RPUSD3: variants seen among roughly 807,000 people sequenced by gnomAD.
RPUSD3 encodes mitochondrial mRNA pseudouridine synthase RPUSD3.
RPUSD3 carries 36 observed loss-of-function variants against 35.1 expected under a neutral mutation model. The observed-to-expected ratio is 1.02, with a 90% CI of 0.79 to 1.35. RPUSD3 has a LOEUF of 1.35. RPUSD3 is among the 40% of genes most tolerant of loss of function. The pLI is 0.00. For missense variants in RPUSD3, 486 were observed against 441.9 expected, an observed-to-expected ratio of 1.10 and a Z score of -0.89; for synonymous variants, 202 against 187.8, an observed-to-expected ratio of 1.08 and a Z score of -0.62.
intron 4 of RPUSD3, 31 bp downstream of exon 4, chr3:9,841,952 C>A: frequency 6.3e-7 from 1 of 1,579,546 alleles, no homozygotes; most frequent in Non-Finnish European, 8.7e-7. Context: ...GATGCCTGTA[C>A]TCCTAGCTTC....
At chr3:9,843,331 G>C in intron 2 of RPUSD3, 134 bp downstream of exon 2, 1 of 1,308,358 alleles carries the variant, frequency 7.6e-7, no homozygotes, top group Non-Finnish European at 1.1e-6. Flanking sequence ...GTGCAAATTA[G>C]GTGGCTTGTC....
At chr3:9,838,894 G>A (rs1009878980) in intron 8 of RPUSD3, 138 bp downstream of exon 8, 1 of 1,091,432 alleles carries the variant, frequency 9.2e-7, no homozygotes, top group African/African-American at 1.6e-5. Flanking sequence ...ACCAAGATGT[G>A]GGTACGGATA....
exon 2 of RPUSD3, chr3:9,843,563 C>A (rs750471161): frequency 1.4e-5 from 23 of 1,613,772 alleles, no homozygotes; most frequent in Non-Finnish European, 1.9e-5. Flanking sequence ...CCCGAGGGGC[C>A]CCGACCGTTG....
intron 8 of RPUSD3, among the ~76,000 whole-genome samples, chr3:9,838,482 G>A (rs1351168759): frequency 6.6e-6 from 1 of 152,206 alleles, no homozygotes; most frequent in East Asian, 1.9e-4. Context: ...ACGTGAGTGA[G>A]CTCTAGCTGA....
rs960762153 is a variant in RPUSD3, at chr3:9,842,538, C to T, written c.263-295G>A. The T allele has an allele frequency of 1.8e-5, 9 of 502,094 alleles. No homozygotes were observed. In the Admixed American group the frequency reaches 2.3e-4, roughly 13 times the overall value. 31.1% of individuals were successfully genotyped at this position (502,094 alleles called of 1,614,324 possible). A position where few individuals can be genotyped will look rare whatever the true frequency, so the allele number is the denominator to read the frequency against. ...CTCCAATCTAATGTCTGCCTTCCTC[C>T]TGCAGTTCCTCACCATCATAACACC... On this transcript the variant is annotated intron_variant, in intron 2 of 8. Coordinates refer to ENST00000383820, the Ensembl canonical transcript of RPUSD3.
At chr3:9,838,363 C>G (rs1347249693) in intron 8 of RPUSD3, among the ~76,000 whole-genome samples, 156 bp from the exon 9 acceptor site, 1 of 152,206 alleles carries the variant, frequency 6.6e-6, no homozygotes, top group Non-Finnish European at 1.5e-5. Context: ...TGTGCACATT[C>G]ACACAGGCAC....
intron 2 of RPUSD3, chr3:9,843,223 T>A: frequency 1.7e-6 from 1 of 576,834 alleles, no homozygotes; most frequent in Non-Finnish European, 3.1e-6. Flanking sequence ...CTCCCGTAAC[T>A]GAGCGCCGGC....
At position 9,840,756 on chromosome 3, in the gene RPUSD3, G is replaced by A. The variant is rs553263958; in HGVS notation, c.457C>T (p.Arg153Cys). 94 of 1,614,078 alleles carry A rather than the reference G, an allele frequency of 5.8e-5. 1 individual carries two copies. In the South Asian group the frequency reaches 8.0e-4, roughly 14 times the overall value. The change falls in exon 5 of 9, where the codon CGC becomes TGC. Residue 153 changes from arginine (R) to cysteine (C), a missense_variant. Transcript: ENST00000383820. Reference sequence around the variant, plus strand: ...GCATGGGTGAAGTACTTCTGGAGGCGACTAGCTGTCTGGGGACAGCTGGAG... The same window carrying A: ...GCATGGGTGAAGTACTTCTGGAGGCAACTAGCTGTCTGGGGACAGCTGGAG...
exon 5 of RPUSD3, chr3:9,840,714 G>A (rs1168659068): frequency 1.2e-6 from 2 of 1,614,172 alleles, no homozygotes; most frequent in Non-Finnish European, 8.5e-7. Flanking sequence ...GTGGCTGTGG[G>A]CCTTTGGGCT....
At chr3:9,842,205 C>A (rs1445609656) in exon 3 of RPUSD3, 11 of 1,614,100 alleles carry the variant, frequency 6.8e-6, no homozygotes, top group Non-Finnish European at 9.3e-6. Flanking sequence ...ATACCTGTCA[C>A]TGGTAGACCC....
chr3:9,842,550 A>G (rs770296869), intron 2 of RPUSD3: 6 of 475,178 alleles, frequency 1.3e-5, no homozygotes, highest in Non-Finnish European at 2.3e-5. Context: ...GCAGTTCCTC[A>G]CCATCATAAC....
At position 9,839,598 on chromosome 3, in the gene RPUSD3, G is replaced by A. The variant is rs112773043; in HGVS notation, c.725-427C>T. ...CCAAGTGCAGTTTTTTTTTTTTTTA[G>A]CCAGCGTTTCACTCTGTCTCCCAGG... is the stretch of plus-strand genomic sequence containing the variant. On this transcript the variant is annotated intron_variant, in intron 7 of 8. Coordinates refer to ENST00000383820, the Ensembl canonical transcript of RPUSD3. The A allele has an allele frequency of 3.9e-3, 599 of 152,004 alleles. 8 individuals carry two copies. The highest frequency in any genetic ancestry group is 0.014 in the African/African-American group (577 of 40,498). The allele number at this position is 152,004 out of a possible 1,614,324, so 9.4% of individuals were successfully genotyped here.
At position 9,840,353 on chromosome 3, in the gene RPUSD3, G is replaced by A. The variant is rs760514637; in HGVS notation, c.601-46C>T. ...GAACAAGCCTTACACAGGTCTGGGA[G>A]CTATACCCAGACCCTCCCTGCTCCC... is the stretch of plus-strand genomic sequence containing the variant. On this transcript the variant is annotated intron_variant, in intron 6 of 8. Coordinates refer to ENST00000383820, the Ensembl canonical transcript of RPUSD3. 4 of 1,613,912 alleles carry A rather than the reference G, an allele frequency of 2.5e-6. No individual in the cohort carries two copies. In the East Asian group the frequency reaches 8.9e-5, roughly 36 times the overall value.
exon 8 of RPUSD3, chr3:9,839,055 C>T: frequency 1.9e-6 from 3 of 1,614,202 alleles, no homozygotes; most frequent in African/African-American, 1.3e-5. Context: ...TTGTTGTTCT[C>T]AGCTGGCAGC....
At chr3:9,842,293 T>C (rs879083152) in intron 2 of RPUSD3, 50 bp from the exon 3 acceptor site, 3 of 1,579,198 alleles carry the variant, frequency 1.9e-6, no homozygotes, top group East Asian at 2.2e-5. Flanking sequence ...TAACCCTTTA[T>C]GCAGCACTAA....
At chr3:9,840,771 G>T in exon 5 of RPUSD3, 1 of 1,614,092 alleles carries the variant, frequency 6.2e-7, no homozygotes, top group South Asian at 1.1e-5. Flanking sequence ...GCTGTCTGGG[G>T]ACAGCTGGAG....
At chr3:9,838,124 C>G (rs2082048344) in exon 9 of RPUSD3, 1 of 1,612,352 alleles carries the variant, frequency 6.2e-7, no homozygotes, top group African/African-American at 1.3e-5. Context: ...GGAGAAGGAG[C>G]CGATGTAGGT....
intron 8 of RPUSD3, 85 bp from the exon 9 acceptor site, chr3:9,838,292 G>A (rs1431605184): frequency 1.9e-5 from 26 of 1,375,142 alleles, no homozygotes; most frequent in Middle Eastern, 2.6e-4. Flanking sequence ...GGAGTAAGGC[G>A]GGCGCTTCCT....
At chr3:9,842,480 G>A (rs2125026368) in intron 2 of RPUSD3, 1 of 585,238 alleles carries the variant, frequency 1.7e-6, no homozygotes. Flanking sequence ...CTATCATCTT[G>A]GCTCAAATGT....
Sources: allele counts gnomAD v4.1 joint callset (sites outside exome capture counted in the v4.1 genomes callset), GRCh38; gene constraint gnomAD v4.1.1; transcripts MANE v1.5; gene names NCBI Gene and HGNC (gene_info 2026-07-23, HGNC 2026-07-21).